The following TRIM26 variants were observed in gnomAD, a reference collection of about 807,000 sequenced individuals.
The protein encoded by TRIM26 is tripartite motif containing 26, also known as tripartite motif-containing protein 26.
Under a neutral mutation model 45.5 loss-of-function variants are expected in TRIM26, and 16 were observed. The observed-to-expected ratio is 0.35, with a 90% CI of 0.24 to 0.53. The LOEUF (loss-of-function observed/expected upper bound fraction) is 0.53. Among genes scored for constraint, TRIM26 ranks in the 20% least tolerant of loss-of-function variants. TRIM26 has a pLI of 0.92. For missense variants in TRIM26, 442 were observed against 691.1 expected, an observed-to-expected ratio of 0.64 and a Z score of 4.04; for synonymous variants, 273 against 290.4, an observed-to-expected ratio of 0.94 and a Z score of 0.61.
chr6:30,207,640 G>C lies in TRIM26; in HGVS notation c.-375-2875C>G, dbSNP rs773466672. On this transcript the variant is annotated intron_variant, in intron 1 of 9. Coordinates refer to ENST00000454678, the MANE Select transcript of TRIM26 (RefSeq NM_003449.5). The surrounding 1 kb of genome is among the most constrained non-coding windows in gnomAD (Gnocchi z 4.9). ...CTGTCCTTCCTTTCTTCTGTGAGGAGGCTGTCCCAGGAGATCCTAGCTGGA... is the reference window on the plus strand; with the variant it reads ...CTGTCCTTCCTTTCTTCTGTGAGGACGCTGTCCCAGGAGATCCTAGCTGGA... Among the ~76,000 whole-genome samples the C allele has an allele frequency of 5.3e-5, 8 of 152,116 alleles. No individual in the cohort carries two copies. Among genetic ancestry groups the C allele is most frequent in the Non-Finnish European group, 1.0e-4 (7 of 68,026 alleles).
chr6:30,204,707 T>C lies in TRIM26; in HGVS notation c.-317A>G, dbSNP rs1330262826. 1 of 152,016 alleles carries C rather than the reference T, an allele frequency of 6.6e-6. No individual in the cohort carries two copies. The highest frequency in any genetic ancestry group is 2.4e-5 in the African/African-American group (1 of 41,386). The allele number at this position is 152,016 out of a possible 1,614,324, so 9.4% of individuals were successfully genotyped here. On this transcript the variant is annotated 5_prime_UTR_variant, in exon 2 of 10. Coordinates refer to ENST00000454678, the MANE Select transcript of TRIM26 (RefSeq NM_003449.5). ...TATGCCGTCAGTATATTCTCTGTGA[T>C]CTCAACAGGTTTCCACAATAAGAGG...
At chr6:30,197,943 C>T (rs1189184194) in intron 5 of TRIM26, among the ~76,000 whole-genome samples, 1 of 152,180 alleles carries the variant, frequency 6.6e-6, no homozygotes, top group Non-Finnish European at 1.5e-5. Flanking sequence ...TGGGCCTGGA[C>T]CTCACTACAT....
Position 30,198,969 on chromosome 6 carries a change from G to A in TRIM26, c.135C>T (p.Pro45=), listed in dbSNP as rs773314538. The A allele has an allele frequency of 6.2e-7, 1 of 1,612,820 alleles. No individual in the cohort carries two copies. The highest frequency in any genetic ancestry group is 8.5e-7 in the Non-Finnish European group (1 of 1,179,868). Residue 45 remains proline (P), a synonymous_variant, in exon 4 of 10, where the codon CCC becomes CCT. Transcript: ENST00000454678. This position sits in a 1 kb window ranked among gnomAD's most constrained non-coding sequence, Gnocchi z 6.3. ...GGCAGACGGGGCGGCTCCCTGAGAT[G>A]GGGCGGACGTCTGTGGTGCAGCTGC... The part of the protein sequence containing the change: ...FCRSCTTDVR[P]ISGSRPVCPL...
In TRIM26 at chr6:30,186,649, C is replaced by T. The variant is rs1191096943; in HGVS notation, c.938-91G>A. On this transcript the variant is annotated intron_variant, in intron 9 of 9. Transcript: ENST00000454678. This position sits in a 1 kb window ranked among gnomAD's most constrained non-coding sequence, Gnocchi z 7.4. Reference sequence around the variant, plus strand: ...GAATAAAATTTATTTTGGCAGATAGCGTTAAACAAAATTAAAGTTGCATAC... The same window carrying T: ...GAATAAAATTTATTTTGGCAGATAGTGTTAAACAAAATTAAAGTTGCATAC... 2.8e-6 allele frequency: 4 copies of T among 1,411,230 alleles called. No homozygotes were observed. Among genetic ancestry groups the T allele is most frequent in the South Asian group, 1.6e-5 (1 of 62,756 alleles). 87.4% of individuals were successfully genotyped at this position (1,411,230 alleles called of 1,614,324 possible).
Position 30,185,998 on chromosome 6 carries a change from C to T in TRIM26, c.1498G>A (p.Val500Met), listed in dbSNP as rs1248673231. The T allele has an allele frequency of 1.9e-6, 3 of 1,612,110 alleles. No homozygotes were observed. Among genetic ancestry groups the T allele is most frequent in the Non-Finnish European group, 2.5e-6 (3 of 1,179,644 alleles). The change falls in exon 10 of 10, where the codon GTG becomes ATG. Residue 500 changes from valine to methionine, a missense_variant. Coordinates refer to ENST00000454678, the MANE Select transcript of TRIM26 (RefSeq NM_003449.5). The surrounding 1 kb of genome is among the most constrained non-coding windows in gnomAD (Gnocchi z 5.7). The stretch of plus-strand genomic sequence containing the variant: ...TGTGACTCTGCGTTGGTGAAAGTCA[C>T]GGTGCCCCCTTCATAATCCAGGGCG... ...GIALDYEGGT[V>M]TFTNAESQEL...
chr6:30,191,174 C>T (rs1249106282), intron 6 of TRIM26, among the ~76,000 whole-genome samples: 2 of 152,036 alleles, frequency 1.3e-5, no homozygotes, highest in African/African-American at 2.4e-5. Context: ...AAGAACAGAG[C>T]ATGGTTTGTA....
In TRIM26 at chr6:30,189,605, C is replaced by G. The variant is rs1348213621; in HGVS notation, c.789-72G>C. On this transcript the variant is annotated intron_variant, in intron 7 of 9. Coordinates refer to ENST00000454678, the MANE Select transcript of TRIM26 (RefSeq NM_003449.5). The surrounding 1 kb of genome is among the most constrained non-coding windows in gnomAD (Gnocchi z 5.0). ...TTTCCTTCATACTTATCTCTCAATC[C>G]TCATGGCAATTATGAAGGGGAGAGG... 1 of 1,293,052 alleles carries G rather than the reference C, an allele frequency of 7.7e-7. No individual in the cohort carries two copies. The highest frequency in any genetic ancestry group is 2.3e-5 in the East Asian group (1 of 43,204). The allele number at this position is 1,293,052 out of a possible 1,614,324, so 80.1% of individuals were successfully genotyped here.
chr6:30,213,252 G>A (rs552548128), intron 1 of TRIM26, 53 bp downstream of exon 1: 5 of 152,400 alleles, frequency 3.3e-5, no homozygotes, highest in African/African-American at 1.2e-4. Context: ...CAAACCCGGT[G>A]AGCGTACGAG....
rs1008968244 is a variant in TRIM26, at chr6:30,204,747, T to G, written c.-357A>C. 1 of 151,918 alleles carries G rather than the reference T, an allele frequency of 6.6e-6. No homozygotes were observed. Among genetic ancestry groups the G allele is most frequent in the Admixed American group, 6.6e-5 (1 of 15,236 alleles). 9.4% of individuals were successfully genotyped at this position (151,918 alleles called of 1,614,324 possible). On this transcript the variant is annotated 5_prime_UTR_variant, in exon 2 of 10. Coordinates refer to ENST00000454678, the MANE Select transcript of TRIM26 (RefSeq NM_003449.5). ...ACAATAAGAGGTAAAACCATTACCC[T>G]TCTCTCCATTCCTGACTCCTGGGCA... is the stretch of plus-strand genomic sequence containing the variant.
At chr6:30,201,382 C>T (rs1301335587) in intron 2 of TRIM26, among the ~76,000 whole-genome samples, 4 of 152,078 alleles carry the variant, frequency 2.6e-5, no homozygotes, top group African/African-American at 9.7e-5. Flanking sequence ...TCTTATAGTG[C>T]TGATAATAAA....
chr6:30,194,948 C>T (rs1776306324), intron 6 of TRIM26, among the ~76,000 whole-genome samples: 1 of 152,110 alleles, frequency 6.6e-6, no homozygotes. Context: ...CATTATATAG[C>T]ACTAAAATTA....
intron 1 of TRIM26, 47 bp from the exon 2 acceptor site, chr6:30,204,812 G>A (rs1396643131): frequency 4.6e-5 from 7 of 151,378 alleles, no homozygotes; most frequent in Non-Finnish European, 1.0e-4. Flanking sequence ...AAAAACCTCA[G>A]AGATGACCCA....
At chr6:30,192,921 A>G (rs565694143) in intron 6 of TRIM26, among the ~76,000 whole-genome samples, 1 of 151,188 alleles carries the variant, frequency 6.6e-6, no homozygotes, top group Non-Finnish European at 1.5e-5. Context: ...TCCCTTCCCC[A>G]TTGTATGTTC....
At position 30,206,865 on chromosome 6, in the gene TRIM26, C is replaced by T. The variant is rs145647592; in HGVS notation, c.-375-2100G>A. ...TATTTACAGAGGAGGACAGTGAGTG[C>T]CAGAGCCTCGGACTCATTTGCCCAG... On this transcript the variant is annotated intron_variant, in intron 1 of 9. Transcript: ENST00000454678. Among the ~76,000 whole-genome samples, 142 of 152,350 alleles carry T rather than the reference C, an allele frequency of 9.3e-4. 1 individual carries two copies. The highest frequency in any genetic ancestry group is 3.1e-3 in the African/African-American group (129 of 41,576).
chr6:30,196,431 A>T lies in TRIM26; in HGVS notation c.765+85T>A, dbSNP rs1170887150. On this transcript the variant is annotated intron_variant, in intron 6 of 9. Coordinates refer to ENST00000454678, the MANE Select transcript of TRIM26 (RefSeq NM_003449.5). This position sits in a 1 kb window ranked among gnomAD's most constrained non-coding sequence, Gnocchi z 4.9. ...TTCAGATGACAAAACTGAGCCCCCA[A>T]GTCTTCTAAGGTCCTGCAAGTGAAT... 5 of 1,350,678 alleles carry T rather than the reference A, an allele frequency of 3.7e-6. No individual in the cohort carries two copies. The highest frequency in any genetic ancestry group is 5.1e-6 in the Non-Finnish European group (5 of 983,134). 83.7% of individuals were successfully genotyped at this position (1,350,678 alleles called of 1,614,324 possible). A position where few individuals can be genotyped will look rare whatever the true frequency, so the allele number is the denominator to read the frequency against.
In TRIM26 at chr6:30,203,696, T is replaced by C. The variant is rs151069987; in HGVS notation, c.-266+960A>G. 4.4e-3 allele frequency among the ~76,000 whole-genome samples: 673 copies of C among 152,172 alleles called. 2 individuals are homozygous for C. The highest frequency in any genetic ancestry group is 0.011 in the African/African-American group (475 of 41,526). ...CTTCCCAAAGTGCTGGGATTACAGG[T>C]GTGAGCCACCGCGCCCGGCTGAGAA... On this transcript the variant is annotated intron_variant, in intron 2 of 9. Coordinates refer to ENST00000454678, the MANE Select transcript of TRIM26 (RefSeq NM_003449.5).
At chr6:30,187,206 T>C (rs1775280842) in intron 9 of TRIM26, 1 of 276,820 alleles carries the variant, frequency 3.6e-6, no homozygotes, top group Non-Finnish European at 7.4e-6. Flanking sequence ...CTTGCATCTA[T>C]AACAACATTT....
rs969976430 is a variant in TRIM26, at chr6:30,193,416, G to A, written c.765+3100C>T. 1.7e-4 allele frequency among the ~76,000 whole-genome samples: 25 copies of A among 151,058 alleles called. No homozygotes were observed. In the South Asian group the frequency reaches 2.5e-3, roughly 15 times the overall value. On this transcript the variant is annotated intron_variant, in intron 6 of 9. Coordinates refer to ENST00000454678, the MANE Select transcript of TRIM26 (RefSeq NM_003449.5). ...AGGCTGGTCTCAAACTCCTGACCTC[G>A]TGATCCGCCTGTCTCGGCCTCACAA...
chr6:30,188,087 C>T (rs188837807), intron 9 of TRIM26, among the ~76,000 whole-genome samples: 15,339 of 146,548 alleles, frequency 0.1, 942 homozygotes, highest in East Asian at 0.22. Flanking sequence ...GGCGAGGTGG[C>T]GGGCGCCTGT....
Sources: gnomAD v4.1 joint callset for allele counts (sites outside exome capture counted in the v4.1 genomes callset) on GRCh38, gnomAD v4.1.1 for gene constraint, Gnocchi (gnomAD v3.1) non-coding constraint, MANE v1.5 for transcripts, NCBI Gene and HGNC (gene_info 2026-07-23, HGNC 2026-07-21) for gene names.